The following ZFAND3 variants were observed in gnomAD, a reference collection of about 807,000 sequenced individuals.
ZFAND3 encodes AN1-type zinc finger protein 3.
A neutral mutation model predicts 29.6 loss-of-function variants in ZFAND3; 10 were observed. The observed-to-expected ratio is 0.34, with a 90% CI of 0.21 to 0.57. The LOEUF is 0.57. Ranked by LOEUF, ZFAND3 falls within the 20% of genes least tolerant of loss-of-function variation. ZFAND3 has a pLI of 0.86. For synonymous variants in ZFAND3, 128 were observed against 112.6 expected (o/e 1.14, Z -0.87); for missense variants, 230 against 304.5 (o/e 0.76, Z 1.82).
chr6:37,864,890 C>A (rs953720593), intron 1 of ZFAND3, among the ~76,000 whole-genome samples: 9 of 152,128 alleles, frequency 5.9e-5, no homozygotes, highest in African/African-American at 2.2e-4. Flanking sequence ...ATGTAAATAG[C>A]TTAATATGGC....
At chr6:38,077,884 T>A (rs1764585455) in intron 3 of ZFAND3, among the ~76,000 whole-genome samples, 1 of 152,226 alleles carries the variant, frequency 6.6e-6, no homozygotes, top group Admixed American at 6.5e-5. Context: ...AACTAGCCGA[T>A]GGGATTGACC....
At chr6:38,013,330 T>G (rs931753133) in intron 2 of ZFAND3, among the ~76,000 whole-genome samples, 2 of 152,226 alleles carry the variant, frequency 1.3e-5, no homozygotes, top group African/African-American at 4.8e-5. Flanking sequence ...AAAGTCATCT[T>G]TCTCCCTTAA....
intron 5 of ZFAND3, among the ~76,000 whole-genome samples, chr6:38,130,073 G>GT (rs142209748): frequency 0.13 from 20,327 of 151,650 alleles, 1,570 homozygotes; most frequent in Middle Eastern, 0.18. Flanking sequence ...CATTTTGATG[G>GT]TTTTTTTTGT....
chr6:38,049,756 G>A (rs1235752136), intron 2 of ZFAND3, among the ~76,000 whole-genome samples: 1 of 152,006 alleles, frequency 6.6e-6, no homozygotes, highest in Non-Finnish European at 1.5e-5. Flanking sequence ...TTTAATAGAT[G>A]TAAGAAGAAA....
chr6:38,002,301 T>A lies in ZFAND3; in HGVS notation c.113-59292T>A, dbSNP rs78838979. 1.7e-3 allele frequency among the ~76,000 whole-genome samples: 254 copies of A among 151,228 alleles called. 1 individual carries two copies. Among genetic ancestry groups the A allele is most frequent in the African/African-American group, 5.1e-3 (209 of 41,318 alleles). On this transcript the variant is annotated intron_variant, in intron 2 of 5. Transcript: ENST00000287218. ...TTTTCTTTTCTTTTTTTTTTTTTTT[T>A]AAAGAAAACAGTTTAACATCAAATG...
At chr6:37,910,551 G>A (rs757074989) in intron 1 of ZFAND3, among the ~76,000 whole-genome samples, 10 of 152,058 alleles carry the variant, frequency 6.6e-5, no homozygotes, top group Non-Finnish European at 1.2e-4. Flanking sequence ...ACATTGTAAT[G>A]GCTAAATCAA....
At chr6:37,952,959 C>T (rs1339559136) in intron 2 of ZFAND3, among the ~76,000 whole-genome samples, 5 of 151,472 alleles carry the variant, frequency 3.3e-5, no homozygotes, top group Admixed American at 6.6e-5. Flanking sequence ...CATCTTGGCT[C>T]TTCTCCCATT....
chr6:37,904,981 G>T (rs1052700640), intron 1 of ZFAND3, among the ~76,000 whole-genome samples: 3 of 152,108 alleles, frequency 2.0e-5, no homozygotes, highest in Non-Finnish European at 4.4e-5. Context: ...AGTTGGAATT[G>T]ATCACTAAAA....
At chr6:38,050,473 T>C (rs902670378) in intron 2 of ZFAND3, among the ~76,000 whole-genome samples, 2 of 152,092 alleles carry the variant, frequency 1.3e-5, no homozygotes, top group Non-Finnish European at 2.9e-5. Context: ...AATTGTATCA[T>C]GCGGGCGGTT....
At chr6:37,824,505 TTAAG>T (rs1408264513) in intron 1 of ZFAND3, among the ~76,000 whole-genome samples, 4 of 152,230 alleles carry the variant, frequency 2.6e-5, no homozygotes, top group African/African-American at 9.6e-5. Flanking sequence ...CTAATTCTAT[TTAAG>T]TACAGAAATA....
At chr6:38,119,775 C>T (rs990283533) in intron 5 of ZFAND3, among the ~76,000 whole-genome samples, 1 of 152,220 alleles carries the variant, frequency 6.6e-6, no homozygotes, top group Non-Finnish European at 1.5e-5. Context: ...TCATCGAGAG[C>T]ACACACAGAC....
intron 4 of ZFAND3, among the ~76,000 whole-genome samples, chr6:38,091,473 ATTTTTTTT>A (rs5875611): frequency 6.0e-4 from 44 of 73,678 alleles, no homozygotes; most frequent in South Asian, 5.5e-4. Context: ...AAACTTTAGG[ATTTTTTTT>A]TTTTTTTTTT....
chr6:37,827,162 C>A (rs1489327068), intron 1 of ZFAND3, among the ~76,000 whole-genome samples: 1 of 152,180 alleles, frequency 6.6e-6, no homozygotes, highest in Non-Finnish European at 1.5e-5. Context: ...AGAAGCAATG[C>A]TATTGTTAAT....
chr6:37,875,753 C>T (rs931875947), intron 1 of ZFAND3, among the ~76,000 whole-genome samples: 5 of 151,314 alleles, frequency 3.3e-5, no homozygotes, highest in African/African-American at 1.2e-4. Context: ...TGACCTCTTT[C>T]GCTCAAGTGA....
chr6:37,832,578 A>G (rs1763882530), intron 1 of ZFAND3, among the ~76,000 whole-genome samples: 1 of 152,176 alleles, frequency 6.6e-6, no homozygotes, highest in African/African-American at 2.4e-5. Flanking sequence ...GAGAGAGATG[A>G]TTAGTTTTAG....
intron 5 of ZFAND3, among the ~76,000 whole-genome samples, chr6:38,147,073 A>G (rs901927476): frequency 5.3e-5 from 8 of 152,170 alleles, no homozygotes; most frequent in African/African-American, 1.7e-4. Context: ...CTACTCCACT[A>G]TCTAACATTG....
chr6:37,981,832 A>G (rs190623738), intron 2 of ZFAND3, among the ~76,000 whole-genome samples: 3 of 152,254 alleles, frequency 2.0e-5, no homozygotes, highest in Admixed American at 6.5e-5. Flanking sequence ...TCCTAATGCC[A>G]TGTGCCCAAC....
intron 4 of ZFAND3, among the ~76,000 whole-genome samples, chr6:38,100,039 T>A (rs1765061921): frequency 6.6e-6 from 1 of 152,170 alleles, no homozygotes. Context: ...CTTGGCATCC[T>A]GTTGATAAAC....
intron 2 of ZFAND3, among the ~76,000 whole-genome samples, chr6:37,962,022 C>A (rs565181142): frequency 5.4e-4 from 82 of 152,186 alleles, no homozygotes; most frequent in African/African-American, 1.9e-3. Flanking sequence ...AAATAAGGCA[C>A]CCGGGACAAA....
Sources: allele counts gnomAD v4.1 joint callset (sites outside exome capture counted in the v4.1 genomes callset), GRCh38; gene constraint gnomAD v4.1.1; transcripts MANE v1.5; gene names NCBI Gene and HGNC (gene_info 2026-07-23, HGNC 2026-07-21).